The following NALF1 variants were observed in gnomAD, a reference collection of about 807,000 sequenced individuals.
NALF1 encodes the protein family with sequence similarity 155 member A.
In NALF1, 3 loss-of-function variants were observed where a neutral mutation model predicts 48.4. The ratio of observed to expected loss-of-function variants is 0.06; its 90% confidence interval spans 0.03 to 0.16. NALF1 has a LOEUF of 0.16. Ranked by LOEUF, NALF1 falls within the 10% of genes least tolerant of loss-of-function variation. The probability of loss-of-function intolerance (pLI) is 1.00; values close to 1 mark genes in which losing one functional copy is unlikely to be tolerated. For synonymous variants in NALF1, 262 were observed against 245.7 expected, an observed-to-expected ratio of 1.07 and a Z score of -0.62; for missense variants, 526 against 571.5, an observed-to-expected ratio of 0.92 and a Z score of 0.81.
chr13:107,759,727 T>C (rs920830614), intron 1 of NALF1, among the ~76,000 whole-genome samples: 2 of 152,146 alleles, frequency 1.3e-5, no homozygotes, highest in African/African-American at 2.4e-5. Context: ...TCCTCTCTGT[T>C]TGGAGCCTCA....
At chr13:107,521,434 A>G (rs1467190493) in intron 1 of NALF1, among the ~76,000 whole-genome samples, 1 of 152,220 alleles carries the variant, frequency 6.6e-6, no homozygotes, top group Non-Finnish European at 1.5e-5. Context: ...ACTTAGTAAC[A>G]TAAAATAAAA....
At chr13:107,841,538 T>C (rs137933657) in intron 1 of NALF1, among the ~76,000 whole-genome samples, 103 of 152,262 alleles carry the variant, frequency 6.8e-4, no homozygotes, top group African/African-American at 2.4e-3. Flanking sequence ...CATGGATGTT[T>C]ACTCCTGTTT....
intron 1 of NALF1, among the ~76,000 whole-genome samples, chr13:107,515,793 CCCT>C (rs1477469359): frequency 1.3e-5 from 2 of 152,242 alleles, no homozygotes; most frequent in East Asian, 3.9e-4. Context: ...GTAGAAATTA[CCCT>C]GGTGTACTCA....
chr13:107,207,743 A>G (rs1367709666), intron 2 of NALF1, among the ~76,000 whole-genome samples: 1 of 152,218 alleles, frequency 6.6e-6, no homozygotes, highest in East Asian at 1.9e-4. Flanking sequence ...CCAGCACCTG[A>G]GCTCAAGCAA....
rs535292200 is a variant in NALF1 at position 107,601,311 on chromosome 13, C to T, written c.915+264371G>A. Among the ~76,000 whole-genome samples the T allele has an allele frequency of 6.6e-5, 10 of 152,224 alleles. No homozygotes were observed. In the South Asian group the frequency reaches 1.2e-3, roughly 19 times the overall value. Reference sequence around the variant, plus strand: ...TAAGAATTCCCCTAGAACACTTAAACGCAAATTTGGGAACTTGAAACAATC... The same window carrying T: ...TAAGAATTCCCCTAGAACACTTAAATGCAAATTTGGGAACTTGAAACAATC... On this transcript the variant is annotated intron_variant, in intron 1 of 2. Coordinates refer to ENST00000375915, the MANE Select transcript of NALF1 (RefSeq NM_001080396.3).
At chr13:107,449,014 C>T (rs557023167) in intron 1 of NALF1, among the ~76,000 whole-genome samples, 21 of 152,168 alleles carry the variant, frequency 1.4e-4, no homozygotes, top group African/African-American at 3.9e-4. Context: ...GAGGCCGAGG[C>T]GGGCGGATCA....
chr13:107,430,979 A>G (rs1433775519), intron 1 of NALF1, among the ~76,000 whole-genome samples: 2 of 152,104 alleles, frequency 1.3e-5, no homozygotes, highest in African/African-American at 4.8e-5. Context: ...CTGACTTTTT[A>G]ATGATCGCCA....
chr13:107,283,752 C>T (rs1203113539), intron 1 of NALF1, among the ~76,000 whole-genome samples: 2 of 151,870 alleles, frequency 1.3e-5, no homozygotes, highest in African/African-American at 4.8e-5. Flanking sequence ...CTCCACCTCC[C>T]AGGTTCACGT....
chr13:107,699,942 T>C (rs932215162), intron 1 of NALF1, among the ~76,000 whole-genome samples: 6 of 152,052 alleles, frequency 3.9e-5, no homozygotes, highest in African/African-American at 1.4e-4. Context: ...TATGAATAAA[T>C]TTACTCAAGT....
chr13:107,792,169 A>T (rs1169054369), intron 1 of NALF1, among the ~76,000 whole-genome samples: 1 of 152,188 alleles, frequency 6.6e-6, no homozygotes, highest in African/African-American at 2.4e-5. Flanking sequence ...GCTATCTCAG[A>T]ATTTTGTCTC....
At chr13:107,767,253 T>C (rs1877441714) in intron 1 of NALF1, among the ~76,000 whole-genome samples, 1 of 152,218 alleles carries the variant, frequency 6.6e-6, no homozygotes, top group African/African-American at 2.4e-5. Context: ...AGTCACATTG[T>C]GCTTTGTGAC....
chr13:107,320,503 A>C (rs1284208010), intron 1 of NALF1, among the ~76,000 whole-genome samples: 1 of 152,120 alleles, frequency 6.6e-6, no homozygotes, highest in Non-Finnish European at 1.5e-5. Context: ...AATGAGGTCA[A>C]GGGACCGAAA....
chr13:107,732,924 T>C (rs1049141249), intron 1 of NALF1, among the ~76,000 whole-genome samples: 5 of 152,152 alleles, frequency 3.3e-5, no homozygotes, highest in African/African-American at 1.2e-4. Flanking sequence ...ACTTGACTTT[T>C]TTAAGTTAAT....
intron 1 of NALF1, among the ~76,000 whole-genome samples, chr13:107,837,400 G>A (rs192994557): frequency 4.6e-4 from 70 of 152,284 alleles, no homozygotes; most frequent in African/African-American, 1.6e-3. Context: ...ATGGGATGGC[G>A]TTGGGTCTCA....
intron 1 of NALF1, among the ~76,000 whole-genome samples, chr13:107,491,785 A>C (rs1875129428): frequency 6.6e-6 from 1 of 152,168 alleles, no homozygotes; most frequent in Non-Finnish European, 1.5e-5. Context: ...AGATGGTATA[A>C]ATTATAGTGC....
At chr13:107,713,942 T>C (rs1291996200) in intron 1 of NALF1, among the ~76,000 whole-genome samples, 1 of 152,000 alleles carries the variant, frequency 6.6e-6, no homozygotes, top group Non-Finnish European at 1.5e-5. Context: ...AACGATTAAA[T>C]AAGAAGAATG....
chr13:107,396,822 G>A (rs1457265836), intron 1 of NALF1, among the ~76,000 whole-genome samples: 2 of 152,124 alleles, frequency 1.3e-5, no homozygotes, highest in Non-Finnish European at 2.9e-5. Context: ...GGAGCTCTGC[G>A]GATTTTTTTG....
chr13:107,378,762 G>A (rs767477767), intron 1 of NALF1, among the ~76,000 whole-genome samples: 2 of 152,238 alleles, frequency 1.3e-5, no homozygotes, highest in Middle Eastern at 6.8e-3. Context: ...GAAAGGAATT[G>A]AAAATATACA....
At chr13:107,237,270 ATAGT>A (rs75162534) in intron 1 of NALF1, among the ~76,000 whole-genome samples, 7,474 of 152,248 alleles carry the variant, frequency 0.049, 248 homozygotes, top group Admixed American at 0.1. Context: ...AACTATGTCA[ATAGT>A]TAGTTCTAAA....
Sources: gnomAD v4.1 joint callset for allele counts (sites outside exome capture counted in the v4.1 genomes callset) on GRCh38, gnomAD v4.1.1 for gene constraint, MANE v1.5 for transcripts, NCBI Gene and HGNC (gene_info 2026-07-23, HGNC 2026-07-21) for gene names.